SLC24A2: variants seen among roughly 807,000 people sequenced by gnomAD.
SLC24A2 encodes the protein sodium/potassium/calcium exchanger 2.
SLC24A2 carries 36 observed loss-of-function variants against 62.0 expected under a neutral mutation model. That is an observed-to-expected ratio of 0.58 (90% confidence interval 0.44 to 0.77). The LOEUF is 0.77. SLC24A2 is among the 30% of genes least tolerant of loss of function. SLC24A2 has a pLI of 0.00. For missense variants in SLC24A2, 846 were observed against 817.9 expected (o/e 1.03, Z -0.42); for synonymous variants, 358 against 294.0 (o/e 1.22, Z -2.23).
chr9:20,102,439 C>T, the SLC24A2 span, among the ~76,000 whole-genome samples: 4 of 131,000 alleles, frequency 3.1e-5, no homozygotes, highest in Non-Finnish European at 6.2e-5. Context: ...GGGAGTTGAA[C>T]ATTGAGAACA....
At chr9:19,982,265 G>A in the SLC24A2 span, among the ~76,000 whole-genome samples, 1 of 152,184 alleles carries the variant, frequency 6.6e-6, no homozygotes, top group African/African-American at 2.4e-5. Flanking sequence ...AATTCCTTAT[G>A]AATGGAAGTG....
the SLC24A2 span, among the ~76,000 whole-genome samples, chr9:20,130,164 T>C: frequency 6.6e-6 from 1 of 152,110 alleles, no homozygotes; most frequent in Admixed American, 6.6e-5. Flanking sequence ...ACATTTTATT[T>C]CTTAAATATG....
chr9:20,170,497 G>A, the SLC24A2 span, among the ~76,000 whole-genome samples: 1 of 152,032 alleles, frequency 6.6e-6, no homozygotes, highest in Non-Finnish European at 1.5e-5. Flanking sequence ...TGGAAGGCAA[G>A]GGGGACATGG....
the SLC24A2 span, among the ~76,000 whole-genome samples, chr9:19,986,131 G>C: frequency 1.3e-5 from 2 of 152,050 alleles, no homozygotes. Context: ...GACTTAAATA[G>C]AAATTTCTTC....
At chr9:19,780,106 C>T (rs1822968630) in intron 2 of SLC24A2, among the ~76,000 whole-genome samples, 1 of 151,956 alleles carries the variant, frequency 6.6e-6, no homozygotes, top group Admixed American at 6.6e-5. Flanking sequence ...GGACAAAAAA[C>T]ACATCAAGGT....
chr9:19,689,734 C>T (rs956091440), intron 2 of SLC24A2, among the ~76,000 whole-genome samples: 1 of 152,154 alleles, frequency 6.6e-6, no homozygotes, highest in East Asian at 1.9e-4. Flanking sequence ...TTTAAAATAG[C>T]ATCTCAAGTG....
chr9:19,880,132 T>A, the SLC24A2 span, among the ~76,000 whole-genome samples: 5 of 152,208 alleles, frequency 3.3e-5, no homozygotes, highest in Admixed American at 2.0e-4. Context: ...TAAGGCAGTA[T>A]TATAATGCAA....
At chr9:19,666,532 T>G (rs1731421058) in intron 2 of SLC24A2, among the ~76,000 whole-genome samples, 1 of 151,790 alleles carries the variant, frequency 6.6e-6, no homozygotes, top group Admixed American at 6.6e-5. Flanking sequence ...CCCTTTAATA[T>G]CTCAAGAAAA....
the SLC24A2 span, among the ~76,000 whole-genome samples, chr9:20,131,748 A>G: frequency 0.071 from 10,785 of 152,170 alleles, 1,019 homozygotes; most frequent in East Asian, 0.46. Flanking sequence ...GTCCCTCTAA[A>G]TTTTCTTAAT....
At chr9:19,564,891 G>A (rs1487462631) in intron 7 of SLC24A2, among the ~76,000 whole-genome samples, 1 of 152,252 alleles carries the variant, frequency 6.6e-6, no homozygotes, top group South Asian at 2.1e-4. Context: ...AGGCAGTTTT[G>A]CAGTGTATGT....
chr9:20,207,396 G>C, the SLC24A2 span, among the ~76,000 whole-genome samples: 2 of 152,052 alleles, frequency 1.3e-5, no homozygotes, highest in Non-Finnish European at 2.9e-5. Flanking sequence ...TCACACTCTT[G>C]ATCTTTGTCC....
At chr9:19,765,343 T>A (rs529828991) in intron 2 of SLC24A2, among the ~76,000 whole-genome samples, 3 of 152,208 alleles carry the variant, frequency 2.0e-5, no homozygotes, top group African/African-American at 7.2e-5. Flanking sequence ...GCCATTATGA[T>A]GCTAACTGGT....
intron 2 of SLC24A2, among the ~76,000 whole-genome samples, chr9:19,722,991 C>T (rs1421610867): frequency 1.3e-5 from 2 of 152,072 alleles, no homozygotes; most frequent in African/African-American, 4.8e-5. Context: ...ATTCTTTCTG[C>T]ACTGCAATAA....
chr9:19,667,227 G>A (rs1819280912), intron 2 of SLC24A2, among the ~76,000 whole-genome samples: 1 of 152,178 alleles, frequency 6.6e-6, no homozygotes, highest in African/African-American at 2.4e-5. Context: ...CATGCCTTCT[G>A]CAACCTGGTT....
chr9:20,197,685 G>A, the SLC24A2 span, among the ~76,000 whole-genome samples: 1 of 152,016 alleles, frequency 6.6e-6, no homozygotes, highest in Admixed American at 6.6e-5. Flanking sequence ...GCCCACCTTG[G>A]CCTCCCAAAG....
At chr9:19,578,735 T>G (rs1248031243) in intron 5 of SLC24A2, among the ~76,000 whole-genome samples, 1 of 152,036 alleles carries the variant, frequency 6.6e-6, no homozygotes, top group Non-Finnish European at 1.5e-5. Context: ...TGGCGTGTGG[T>G]CATGGTGATG....
At chr9:19,605,383 T>C (rs1836956467) in intron 4 of SLC24A2, among the ~76,000 whole-genome samples, 1 of 152,214 alleles carries the variant, frequency 6.6e-6, no homozygotes, top group Non-Finnish European at 1.5e-5. Context: ...TCTGGCCTTT[T>C]GGAAGGAAAT....
At chr9:20,047,470 G>C in the SLC24A2 span, among the ~76,000 whole-genome samples, 2 of 150,478 alleles carry the variant, frequency 1.3e-5, no homozygotes, top group African/African-American at 4.9e-5. Flanking sequence ...GTCAGTTTGG[G>C]GTGCTATAAC....
chr9:19,627,259 C>G (rs1224414794), intron 2 of SLC24A2, among the ~76,000 whole-genome samples: 1 of 152,144 alleles, frequency 6.6e-6, no homozygotes, highest in Non-Finnish European at 1.5e-5. Context: ...TGAAAGCTCA[C>G]ATTTTGGAAG....
Sources: allele counts gnomAD v4.1 joint callset (sites outside exome capture counted in the v4.1 genomes callset), GRCh38; gene constraint gnomAD v4.1.1; transcripts MANE v1.5; gene names NCBI Gene and HGNC (gene_info 2026-07-23, HGNC 2026-07-21).